ZNF133: variants seen among roughly 807,000 people sequenced by gnomAD.
The protein encoded by ZNF133 is zinc finger protein 133 (clone pHZ-13).
ZNF133 carries 26 observed loss-of-function variants against 54.9 expected under a neutral mutation model. The ratio of observed to expected loss-of-function variants is 0.47; its 90% confidence interval spans 0.35 to 0.66. ZNF133 has a LOEUF of 0.66. ZNF133 is among the 30% of genes least tolerant of loss of function. The pLI is 0.01. For synonymous variants in ZNF133, 298 were observed against 320.3 expected (o/e 0.93, Z 0.74); for missense variants, 653 against 820.8 (o/e 0.80, Z 2.50).
At position 18,316,735 on chromosome 20, in the gene ZNF133, G is replaced by A. The variant is rs774209596; in HGVS notation, c.1884G>A (p.Thr628=). The change falls in exon 7 of 7, where the codon ACG becomes ACA. Residue 628 remains threonine, a synonymous_variant. Coordinates refer to ENST00000425686, the MANE Select transcript of ZNF133 (RefSeq NM_001352452.2). The part of the protein sequence containing the change: ...KSHLSRHRKT[T]SVHHRLPVQP... ...ACCTCAGCAGACACAGGAAGACCAC[G>A]TCTGTCCACCACAGACTGCCAGTGC... is the stretch of plus-strand genomic sequence containing the variant. 3.5e-5 allele frequency: 56 copies of A among 1,614,100 alleles called. No individual in the cohort carries two copies. The highest frequency in any genetic ancestry group is 8.9e-5 in the East Asian group (4 of 44,896).
intron 1 of ZNF133, among the ~76,000 whole-genome samples, chr20:18,296,698 T>A (rs1162556159): frequency 6.6e-6 from 1 of 152,250 alleles, no homozygotes; most frequent in Non-Finnish European, 1.5e-5. Context: ...TTACACCTTT[T>A]GGCTATTGTG....
intron 3 of ZNF133, among the ~76,000 whole-genome samples, chr20:18,300,917 A>G (rs575630541): frequency 3.2e-4 from 49 of 152,232 alleles, no homozygotes; most frequent in Middle Eastern, 6.8e-3. Context: ...CAATAAGTAA[A>G]AAAATAGAAG....
chr20:18,299,339 A>C (rs1449273951), intron 3 of ZNF133, among the ~76,000 whole-genome samples: 1 of 152,234 alleles, frequency 6.6e-6, no homozygotes, highest in Non-Finnish European at 1.5e-5. Context: ...TCAGAAGTAG[A>C]TTTGAGCAGA....
chr20:18,303,754 G>A (rs1047350126), intron 3 of ZNF133, among the ~76,000 whole-genome samples: 1 of 152,174 alleles, frequency 6.6e-6, no homozygotes, highest in Non-Finnish European at 1.5e-5. Context: ...GAAGAATGAA[G>A]TTGAACCCTT....
Position 18,298,029 on chromosome 20 carries a change from A to C in ZNF133, c.-387A>C, listed in dbSNP as rs1420290863. 6.5e-7 allele frequency: 1 copy of C among 1,535,486 alleles called. No homozygotes were observed. Among genetic ancestry groups the C allele is most frequent in the South Asian group, 1.2e-5 (1 of 84,030 alleles). The stretch of plus-strand genomic sequence containing the variant: ...ATCCTTCTTCAGGGAGATAAGGAAA[A>C]AAAGCCACAGGGTCCCGGAGAGCCA... On this transcript the variant is annotated 5_prime_UTR_variant, in exon 2 of 7. Coordinates refer to ENST00000425686, the MANE Select transcript of ZNF133 (RefSeq NM_001352452.2).
chr20:18,305,530 A>C lies in ZNF133; in HGVS notation c.-6-151A>C. On this transcript the variant is annotated intron_variant, in intron 4 of 6. Coordinates refer to ENST00000425686, the MANE Select transcript of ZNF133 (RefSeq NM_001352452.2). This position sits in a 1 kb window ranked among gnomAD's most constrained non-coding sequence, Gnocchi z 4.7. Reference sequence around the variant, plus strand: ...CAAATGCCACTGGCTGGATTGAGACAGGGATTTAAAAGTCTTGGAACACAT... The same window carrying C: ...CAAATGCCACTGGCTGGATTGAGACCGGGATTTAAAAGTCTTGGAACACAT... 1 of 1,115,216 alleles carries C rather than the reference A, an allele frequency of 9.0e-7. No individual in the cohort carries two copies. Among genetic ancestry groups the C allele is most frequent in the East Asian group, 2.5e-5 (1 of 39,350 alleles). 69.1% of individuals were successfully genotyped at this position (1,115,216 alleles called of 1,614,324 possible).
intron 1 of ZNF133, among the ~76,000 whole-genome samples, chr20:18,289,271 A>G (rs2040347571): frequency 1.3e-5 from 2 of 152,172 alleles, no homozygotes; most frequent in Admixed American, 1.3e-4. Flanking sequence ...GGTTTTTTCC[A>G]AAGGTCCCAG....
chr20:18,315,906 A>G lies in ZNF133; in HGVS notation c.1055A>G (p.Lys352Arg). The change falls in exon 7 of 7, where the codon AAG becomes AGG. Residue 352 changes from lysine (K) to arginine (R), a missense_variant. Physicochemically the swap from Lys to Arg is conservative, Grantham distance 26 (BLOSUM62 2). This residue lies in a region of ZNF133 where 292 missense variants were observed against 431.6 expected (regional missense o/e 0.68). Coordinates refer to ENST00000425686, the MANE Select transcript of ZNF133 (RefSeq NM_001352452.2). ...CACCAGAGGACACACTTGGAGGAGAAGACCATCGTGTGCAGTGACTGTGGC... is the reference window on the plus strand; with the variant it reads ...CACCAGAGGACACACTTGGAGGAGAGGACCATCGTGTGCAGTGACTGTGGC... ...VRHQRTHLEE[K>R]TIVCSDCGLG... 6.2e-7 allele frequency: 1 copy of G among 1,614,010 alleles called. No individual in the cohort carries two copies. The highest frequency in any genetic ancestry group is 8.5e-7 in the Non-Finnish European group (1 of 1,179,964).
At chr20:18,296,771 T>G (rs934766028) in intron 1 of ZNF133, among the ~76,000 whole-genome samples, 9 of 152,232 alleles carry the variant, frequency 5.9e-5, no homozygotes, top group South Asian at 2.1e-4. Flanking sequence ...TCAGTTCTTT[T>G]GCGTATATAG....
At chr20:18,289,168 G>A (rs2040321000) in intron 1 of ZNF133, among the ~76,000 whole-genome samples, 1 of 152,076 alleles carries the variant, frequency 6.6e-6, no homozygotes, top group Admixed American at 6.5e-5. Context: ...GATCTGGGGT[G>A]GCCATTTTGC....
chr20:18,309,963 G>C (rs1229326446), intron 6 of ZNF133, among the ~76,000 whole-genome samples: 2 of 152,200 alleles, frequency 1.3e-5, no homozygotes, highest in Non-Finnish European at 2.9e-5. Flanking sequence ...TCTGACCTGT[G>C]TGTTCATTCT....
intron 3 of ZNF133, among the ~76,000 whole-genome samples, chr20:18,301,093 CACA>C (rs1310838644): frequency 1.3e-5 from 2 of 152,014 alleles, no homozygotes; most frequent in Non-Finnish European, 2.9e-5. Context: ...TATCTTCTAC[CACA>C]ACAAGATGAA....
chr20:18,315,975 C>T lies in ZNF133; in HGVS notation c.1124C>T (p.Thr375Met), dbSNP rs761331768. 6.8e-6 allele frequency: 11 copies of T among 1,613,644 alleles called. No individual in the cohort carries two copies. Among genetic ancestry groups the T allele is most frequent in the Admixed American group, 5.0e-5 (3 of 59,986 alleles). ...TCAAACCTCATCTCCCACCAGAGGACGCACTCTGGGGAGAAGCCCTACGCC... is the reference window on the plus strand; with the variant it reads ...TCAAACCTCATCTCCCACCAGAGGATGCACTCTGGGGAGAAGCCCTACGCC... ...DRSNLISHQR[T>M]HSGEKPYACK... Residue 375 changes from threonine to methionine, a missense_variant, in exon 7 of 7, where the codon ACG becomes ATG. Thr to Met is a moderately conservative substitution (Grantham distance 81). Around this residue, in one of 4 missense-constraint regions of ZNF133, gnomAD observed 292 missense variants for 431.6 expected, o/e 0.68. Transcript: ENST00000425686.
intron 1 of ZNF133, among the ~76,000 whole-genome samples, chr20:18,289,162 TG>T (rs902882634): frequency 1.6e-4 from 24 of 152,092 alleles, no homozygotes; most frequent in African/African-American, 5.8e-4. Flanking sequence ...AGACTGGATC[TG>T]GGGTGGCCAT....
intron 6 of ZNF133, among the ~76,000 whole-genome samples, chr20:18,309,446 C>G (rs2045375097): frequency 6.6e-6 from 1 of 152,194 alleles, no homozygotes; most frequent in Admixed American, 6.5e-5. Context: ...CAAATAAGGT[C>G]AGGAACCAAT....
chr20:18,305,617 G>A lies in ZNF133; in HGVS notation c.-6-64G>A. ...CCTCCCCCAGGGCAGCCTTATCCCT[G>A]CCCCTCACCCTGCCATGGGCAAGGC... is the stretch of plus-strand genomic sequence containing the variant. On this transcript the variant is annotated intron_variant, in intron 4 of 6. Transcript: ENST00000425686. This position sits in a 1 kb window ranked among gnomAD's most constrained non-coding sequence, Gnocchi z 4.7. The A allele has an allele frequency of 2.5e-6, 4 of 1,612,078 alleles. No individual in the cohort carries two copies. The highest frequency in any genetic ancestry group is 3.4e-6 in the Non-Finnish European group (4 of 1,179,516).
At chr20:18,304,600 C>T (rs925732664) in intron 3 of ZNF133, among the ~76,000 whole-genome samples, 5 of 152,126 alleles carry the variant, frequency 3.3e-5, no homozygotes, top group South Asian at 4.1e-4. Context: ...GGCTAAATCT[C>T]GAAGACATGC....
At chr20:18,293,351 C>T (rs1433520165) in intron 1 of ZNF133, among the ~76,000 whole-genome samples, 8 of 152,178 alleles carry the variant, frequency 5.3e-5, no homozygotes, top group African/African-American at 9.7e-5. Flanking sequence ...CACATATTTT[C>T]GTGGGTTGGC....
chr20:18,298,062 GGTGA>G lies in ZNF133; in HGVS notation c.-354+4_-354+7del, dbSNP rs1568742343. ...CAGGGTCCCGGAGAGCCAGGGGAATGGTGAGTGTTTCCTGTCTCCATTACTGGCT... is the reference window on the plus strand; with the variant it reads ...CAGGGTCCCGGAGAGCCAGGGGAATGGTGTTTCCTGTCTCCATTACTGGCT... On this transcript the variant is annotated splice_donor_variant and splice_donor_region_variant and intron_variant, in intron 2 of 6. Coordinates refer to ENST00000425686, the MANE Select transcript of ZNF133 (RefSeq NM_001352452.2). LOFTEE classifies it low-confidence loss of function (5UTR_SPLICE). 2.6e-5 allele frequency: 40 copies of G among 1,535,386 alleles called. No homozygotes were observed. The highest frequency in any genetic ancestry group is 3.3e-5 in the Non-Finnish European group (38 of 1,146,824).
Sources: gnomAD v4.1 joint callset for allele counts (sites outside exome capture counted in the v4.1 genomes callset) on GRCh38, gnomAD v4.1.1 for gene constraint, gnomAD v4.1.1 regional missense constraint, Gnocchi (gnomAD v3.1) non-coding constraint, MANE v1.5 for transcripts, NCBI Gene and HGNC (gene_info 2026-07-23, HGNC 2026-07-21) for gene names.